The following PDE10A variants were observed in gnomAD, a reference collection of about 807,000 sequenced individuals.
The protein encoded by PDE10A is phosphodiesterase 10A.
Under a neutral mutation model 97.7 loss-of-function variants are expected in PDE10A, and 39 were observed. The ratio of observed to expected loss-of-function variants is 0.40; its 90% confidence interval spans 0.31 to 0.52. The LOEUF (loss-of-function observed/expected upper bound fraction) is 0.52. Ranked by LOEUF, PDE10A falls within the 20% of genes least tolerant of loss-of-function variation. PDE10A has a pLI of 0.56. For synonymous variants in PDE10A, 371 were observed against 376.8 expected (o/e 0.98, Z 0.18); for missense variants, 731 against 1,047.8 (o/e 0.70, Z 4.17).
chr6:165,432,394 C>T (rs898913861), intron 7 of PDE10A, among the ~76,000 whole-genome samples: 4 of 152,144 alleles, frequency 2.6e-5, no homozygotes, highest in African/African-American at 9.7e-5. Flanking sequence ...AGTAGCCTGT[C>T]AGCCTTGCCT....
chr6:165,489,522 T>C (rs1029316370), intron 2 of PDE10A, among the ~76,000 whole-genome samples: 5 of 152,048 alleles, frequency 3.3e-5, no homozygotes, highest in African/African-American at 1.2e-4. Flanking sequence ...ACAATTCTGG[T>C]AATATGACAA....
At chr6:165,413,744 G>A (rs1583234733) in intron 12 of PDE10A, 57 bp from the exon 13 acceptor site, 1 of 1,384,654 alleles carries the variant, frequency 7.2e-7, no homozygotes, top group East Asian at 2.4e-5. Flanking sequence ...AAGAAATAAA[G>A]GACACAGTCA....
At chr6:165,687,043 G>A (rs1209108475) in intron 1 of PDE10A, among the ~76,000 whole-genome samples, 1 of 152,256 alleles carries the variant, frequency 6.6e-6, no homozygotes, top group Non-Finnish European at 1.5e-5. Flanking sequence ...AAGAGCTGGG[G>A]AGAGACCTGG....
chr6:165,525,015 G>A (rs1782346406), intron 2 of PDE10A, among the ~76,000 whole-genome samples: 1 of 152,104 alleles, frequency 6.6e-6, no homozygotes, highest in African/African-American at 2.4e-5. Flanking sequence ...TGCACTGCTT[G>A]AGGCAACAGT....
intron 21 of PDE10A, 81 bp downstream of exon 21, chr6:165,336,042 C>T: frequency 9.5e-7 from 1 of 1,056,980 alleles, no homozygotes; most frequent in Non-Finnish European, 1.5e-6. Context: ...GACCACAACA[C>T]ACTAGTGGGG....
intron 17 of PDE10A, among the ~76,000 whole-genome samples, chr6:165,379,856 C>T (rs544671353): frequency 2.1e-4 from 32 of 152,258 alleles, no homozygotes; most frequent in African/African-American, 7.5e-4. Flanking sequence ...ATATATTTCT[C>T]TGTATCCTAG....
At chr6:165,813,802 A>AT (rs397703228) in intron 1 of PDE10A, among the ~76,000 whole-genome samples, 7 of 151,610 alleles carry the variant, frequency 4.6e-5, no homozygotes, top group East Asian at 1.9e-4. Context: ...AAAAAAAAAA[A>AT]TAGTCTGACC....
intron 1 of PDE10A, among the ~76,000 whole-genome samples, chr6:165,905,470 T>C (rs576709599): frequency 3.9e-5 from 6 of 152,282 alleles, no homozygotes; most frequent in African/African-American, 1.4e-4. Flanking sequence ...TATCTATTAA[T>C]TTCACTAACA....
intron 1 of PDE10A, among the ~76,000 whole-genome samples, chr6:165,653,636 C>T (rs1362769779): frequency 6.6e-6 from 1 of 152,206 alleles, no homozygotes; most frequent in Admixed American, 6.5e-5. Context: ...TCTCTACCAG[C>T]GGCTCTCCAG....
intron 1 of PDE10A, among the ~76,000 whole-genome samples, chr6:165,619,459 G>A (rs199567060): frequency 9.1e-4 from 16 of 17,488 alleles, no homozygotes; most frequent in East Asian, 5.0e-3. Context: ...CTAGTGTAGT[G>A]TAGTCTAGTG....
chr6:165,636,366 A>T (rs1788877535), intron 1 of PDE10A, among the ~76,000 whole-genome samples: 1 of 152,256 alleles, frequency 6.6e-6, no homozygotes. Context: ...AGCAAAATTG[A>T]AGTAGAAATA....
intron 20 of PDE10A, among the ~76,000 whole-genome samples, chr6:165,338,718 A>G (rs4588664): frequency 0.19 from 28,985 of 152,082 alleles, 2,873 homozygotes; most frequent in Admixed American, 0.21. Context: ...AAATTCATCC[A>G]CCCCCTCTAT....
At chr6:165,681,278 C>A (rs556790967) in intron 1 of PDE10A, among the ~76,000 whole-genome samples, 1 of 152,178 alleles carries the variant, frequency 6.6e-6, no homozygotes, top group African/African-American at 2.4e-5. Context: ...ATTTAAGAAG[C>A]CTGTTTCCTA....
At chr6:165,728,817 C>G (rs1308987355) in intron 1 of PDE10A, among the ~76,000 whole-genome samples, 2 of 152,114 alleles carry the variant, frequency 1.3e-5, no homozygotes, top group Non-Finnish European at 2.9e-5. Flanking sequence ...CAAGACTTGT[C>G]TTTGGGGCTT....
chr6:165,794,479 C>T (rs1440624543), intron 1 of PDE10A, among the ~76,000 whole-genome samples: 1 of 151,684 alleles, frequency 6.6e-6, no homozygotes, highest in East Asian at 1.9e-4. Flanking sequence ...CACGCACACA[C>T]TCATTACACA....
intron 1 of PDE10A, among the ~76,000 whole-genome samples, chr6:165,950,912 T>C (rs1392489690): frequency 6.6e-6 from 1 of 152,248 alleles, no homozygotes; most frequent in Non-Finnish European, 1.5e-5. Flanking sequence ...TCTCTCATCC[T>C]GATTTAATAA....
Position 165,448,985 on chromosome 6 carries a change from A to C in PDE10A, c.1145-8T>G. On this transcript the variant is annotated splice_region_variant and splice_polypyrimidine_tract_variant and intron_variant, in intron 4 of 21. Transcript: ENST00000539869. ...ATCCATCGGCTTTTGTGGCTGCCAA[A>C]GTAATAAGAAAAGGAAGAAACTGAG... 6.2e-7 allele frequency: 1 copy of C among 1,610,868 alleles called. No individual in the cohort carries two copies. The highest frequency in any genetic ancestry group is 8.5e-7 in the Non-Finnish European group (1 of 1,177,152).
chr6:165,507,805 G>A (rs1211830725), intron 2 of PDE10A, among the ~76,000 whole-genome samples: 3 of 151,968 alleles, frequency 2.0e-5, no homozygotes, highest in Admixed American at 2.0e-4. Context: ...TCTCAAAAAG[G>A]CTTTGAAAAT....
chr6:165,848,494 A>C (rs1780485554), intron 1 of PDE10A, among the ~76,000 whole-genome samples: 1 of 152,180 alleles, frequency 6.6e-6, no homozygotes, highest in Non-Finnish European at 1.5e-5. Context: ...CCCTGATTAA[A>C]TTCCATATGC....
Sources: allele counts gnomAD v4.1 joint callset (sites outside exome capture counted in the v4.1 genomes callset), GRCh38; gene constraint gnomAD v4.1.1; transcripts MANE v1.5; gene names NCBI Gene and HGNC (gene_info 2026-07-23, HGNC 2026-07-21).